Variants in DSG1 observed in about 807,000 individuals in gnomAD.
The protein encoded by DSG1 is desmoglein-1.
DSG1 carries 39 observed loss-of-function variants against 97.5 expected under a neutral mutation model. The ratio of observed to expected loss-of-function variants is 0.40; its 90% confidence interval spans 0.31 to 0.52. The LOEUF (loss-of-function observed/expected upper bound fraction) is 0.52, where lower values mean the gene tolerates loss of function less well. Among genes scored for constraint, DSG1 ranks in the 20% least tolerant of loss-of-function variants. The probability of loss-of-function intolerance (pLI) is 0.53; values close to 1 mark genes in which losing one functional copy is unlikely to be tolerated. For synonymous variants in DSG1, 475 were observed against 443.4 expected (o/e 1.07, Z -0.90); for missense variants, 1,311 against 1,295.4 (o/e 1.01, Z -0.18).
chr18:31,333,812 T>G, intron 7 of DSG1, 89 bp downstream of exon 7: 1 of 1,507,798 alleles, frequency 6.6e-7, no homozygotes, highest in East Asian at 2.3e-5. Context: ...GCACATGTTA[T>G]GTTTATTGAC....
chr18:31,355,673 CT>C lies in DSG1; in HGVS notation c.*331del. Reference sequence around the variant, plus strand: ...GCATCATTCTCCTTGCTCTGTTTTGCTTTTCCATATAGCTCGAGCAAAATTC... The same window carrying C: ...GCATCATTCTCCTTGCTCTGTTTTGCTTTCCATATAGCTCGAGCAAAATTC... On this transcript the variant is annotated 3_prime_UTR_variant, in exon 15 of 15. Coordinates refer to ENST00000257192, the MANE Select transcript of DSG1 (RefSeq NM_001942.4). 1 of 335,352 alleles carries C rather than the reference CT, an allele frequency of 3.0e-6. No individual in the cohort carries two copies. The highest frequency in any genetic ancestry group is 2.1e-5 in the African/African-American group (1 of 48,146). The allele number at this position is 335,352 out of a possible 1,614,324, so 20.8% of individuals were successfully genotyped here. A position where few individuals can be genotyped will look rare whatever the true frequency, so the allele number is the denominator to read the frequency against.
chr18:31,344,350 C>T (rs1870389142), intron 13 of DSG1, among the ~76,000 whole-genome samples: 1 of 152,070 alleles, frequency 6.6e-6, no homozygotes, highest in Admixed American at 6.6e-5. Flanking sequence ...ATTTCATACA[C>T]ATATATACAC....
chr18:31,341,921 T>C (rs2071791331), intron 11 of DSG1, among the ~76,000 whole-genome samples: 1 of 145,538 alleles, frequency 6.9e-6, no homozygotes, highest in Non-Finnish European at 1.5e-5. Context: ...GTTTTTTTTG[T>C]TCTTTTGTTT....
chr18:31,324,647 C>G (rs956064243), intron 1 of DSG1, among the ~76,000 whole-genome samples: 2 of 152,154 alleles, frequency 1.3e-5, no homozygotes, highest in Non-Finnish European at 2.9e-5. Context: ...CTCTCGAACA[C>G]CCCCATCCCA....
At position 31,341,945 on chromosome 18, in the gene DSG1, T is replaced by A. The variant is rs28595210; in HGVS notation, c.1688-1505T>A. Among the ~76,000 whole-genome samples the A allele has an allele frequency of 6.6e-5, 3 of 45,422 alleles. No individual in the cohort carries two copies. In the South Asian group the frequency reaches 3.0e-3, roughly 45 times the overall value. 29.8% of individuals were successfully genotyped at this position (45,422 alleles called of 152,430 possible). ...GTTCTTTTGTTTTTTTGTTTTTTTG[T>A]TTTTTTTTGAGATGGAGTCTCACTC... On this transcript the variant is annotated intron_variant, in intron 11 of 14. Coordinates refer to ENST00000257192, the MANE Select transcript of DSG1 (RefSeq NM_001942.4).
intron 5 of DSG1, among the ~76,000 whole-genome samples, chr18:31,331,184 G>T (rs960503795): frequency 3.0e-4 from 45 of 152,004 alleles, no homozygotes; most frequent in African/African-American, 1.1e-3. Flanking sequence ...AAACAAAACA[G>T]TAGTAATGTA....
Position 31,344,006 on chromosome 18 carries a change from A to G in DSG1, c.1891+11A>G, listed in dbSNP as rs1453504267. On this transcript the variant is annotated intron_variant, in intron 13 of 14. Coordinates refer to ENST00000257192, the MANE Select transcript of DSG1 (RefSeq NM_001942.4). ...GCATTGACAACTCAGGTAAGAAAAAAGAATTTGTTTAACATCTCAAATGCT... is the reference window on the plus strand; with the variant it reads ...GCATTGACAACTCAGGTAAGAAAAAGGAATTTGTTTAACATCTCAAATGCT... The G allele has an allele frequency of 2.5e-6, 4 of 1,598,788 alleles. No individual in the cohort carries two copies. In the African/African-American group the frequency reaches 4.0e-5, roughly 16 times the overall value.
At chr18:31,345,859 G>A (rs1359182749) in intron 13 of DSG1, 131 bp from the exon 14 acceptor site, 5 of 678,302 alleles carry the variant, frequency 7.4e-6, no homozygotes, top group Non-Finnish European at 5.2e-6. Context: ...CTTTCTTTAT[G>A]TATTATCTTT....
At chr18:31,321,648 G>A (rs1476596904) in intron 1 of DSG1, among the ~76,000 whole-genome samples, 1 of 152,148 alleles carries the variant, frequency 6.6e-6, no homozygotes, top group African/African-American at 2.4e-5. Flanking sequence ...TTGCCACAAA[G>A]TAAAAACATT....
At chr18:31,329,328 C>T (rs375096443) in intron 4 of DSG1, among the ~76,000 whole-genome samples, 16 of 152,010 alleles carry the variant, frequency 1.1e-4, no homozygotes, top group Non-Finnish European at 2.1e-4. Flanking sequence ...CCCACCAGTC[C>T]GTATCCCAAA....
intron 9 of DSG1, 42 bp downstream of exon 9, chr18:31,336,655 C>T (rs1417956205): frequency 4.0e-5 from 64 of 1,592,616 alleles, no homozygotes; most frequent in Non-Finnish European, 5.5e-5. Flanking sequence ...ACATATTGAA[C>T]TTAAGTACAT....
rs1380235132 is a variant in DSG1, at chr18:31,357,414, A to C, written c.*2068A>C. ...ATACTTGAGTATGCCTGGGTCCAGG[A>C]GTTTTAAGGAATAGAAATAAGTATT... On this transcript the variant is annotated 3_prime_UTR_variant, in exon 15 of 15. Transcript: ENST00000257192. Among the ~76,000 whole-genome samples the C allele has an allele frequency of 6.6e-6, 1 of 152,038 alleles. No homozygotes were observed. The highest frequency in any genetic ancestry group is 1.9e-4 in the East Asian group (1 of 5,196).
In DSG1 at chr18:31,325,573, T is replaced by G. The variant is rs180845335; in HGVS notation, c.49-1008T>G. ...TGGGCTCTACAGATAACATTTCAGT[T>G]ACATGTTTTAAAATTTGGGCCATTT... is the stretch of plus-strand genomic sequence containing the variant. On this transcript the variant is annotated intron_variant, in intron 1 of 14. Coordinates refer to ENST00000257192, the MANE Select transcript of DSG1 (RefSeq NM_001942.4). Among the ~76,000 whole-genome samples the G allele has an allele frequency of 4.4e-3, 675 of 152,288 alleles. 6 individuals carry two copies. The highest frequency in any genetic ancestry group is 9.7e-3 in the South Asian group (47 of 4,822).
intron 14 of DSG1, among the ~76,000 whole-genome samples, chr18:31,347,396 C>CATCT (rs59156644): frequency 0.04 from 6,032 of 152,240 alleles, 403 homozygotes; most frequent in African/African-American, 0.14. Context: ...CTTTACCCTG[C>CATCT]ATCTGCCACC....
At chr18:31,336,693 T>A in intron 9 of DSG1, 80 bp downstream of exon 9, 1 of 1,380,054 alleles carries the variant, frequency 7.2e-7, no homozygotes, top group Non-Finnish European at 1.0e-6. Context: ...TATAAGTATC[T>A]GAGTTAAAAT....
intron 9 of DSG1, among the ~76,000 whole-genome samples, chr18:31,337,208 C>A (rs766139879): frequency 2.0e-5 from 3 of 152,078 alleles, no homozygotes. Flanking sequence ...GGGAGAAGCA[C>A]TTTACCCATG....
Position 31,326,944 on chromosome 18 carries a change from T to C in DSG1, c.155T>C (p.Ile52Thr), listed in dbSNP as rs1211990162. Reference sequence around the variant, plus strand: ...ATCCGAAGGCAGAAACGTGAATGGATCAAGTTCGCAGCAGCCTGTCGTGAA... The same window carrying C: ...ATCCGAAGGCAGAAACGTGAATGGACCAAGTTCGCAGCAGCCTGTCGTGAA... ...HSIRRQKREW[I>T]KFAAACREGE... is the part of the protein sequence containing the mutation. Residue 52 changes from isoleucine (I) to threonine (T), a missense_variant, in exon 3 of 15, where the codon ATC becomes ACC. By Grantham distance (89) the Ile-to-Thr change is moderately conservative (BLOSUM62 -1). This residue lies in a region of DSG1 where 259 missense variants were observed against 304.1 expected (regional missense o/e 0.85). Coordinates refer to ENST00000257192, the MANE Select transcript of DSG1 (RefSeq NM_001942.4). The C allele has an allele frequency of 1.9e-6, 3 of 1,613,848 alleles. No individual in the cohort carries two copies. The highest frequency in any genetic ancestry group is 4.5e-5 in the East Asian group (2 of 44,844).
intron 1 of DSG1, among the ~76,000 whole-genome samples, chr18:31,322,959 T>C (rs1046393164): frequency 6.6e-6 from 1 of 152,202 alleles, no homozygotes; most frequent in African/African-American, 2.4e-5. Flanking sequence ...TCCTGTAGCT[T>C]TTAAAAAGTA....
Position 31,350,439 on chromosome 18 carries a change from T to C in DSG1, c.2101-3858T>C, listed in dbSNP as rs1294931097. Among the ~76,000 whole-genome samples, 11 of 144,230 alleles carry C rather than the reference T, an allele frequency of 7.6e-5. 2 individuals are homozygous for C. The East Asian group carries it at 1.8e-3, about 24-fold the overall frequency. The allele number at this position is 144,230 out of a possible 152,430, so 94.6% of individuals were successfully genotyped here. ...TTGGTCTAAAATTCTCTTTTTTTGT[T>C]GTGTCTCTGCCTGGCTTTGGTATCA... On this transcript the variant is annotated intron_variant, in intron 14 of 14. Transcript: ENST00000257192.
Sources: gnomAD v4.1 joint callset for allele counts (sites outside exome capture counted in the v4.1 genomes callset) on GRCh38, gnomAD v4.1.1 for gene constraint, gnomAD v4.1.1 regional missense constraint, MANE v1.5 for transcripts, NCBI Gene and HGNC (gene_info 2026-07-23, HGNC 2026-07-21) for gene names.